STXBP5L: variants seen among roughly 807,000 people sequenced by gnomAD.
STXBP5L encodes the protein syntaxin binding protein 5L.
Under a neutral mutation model 144.5 loss-of-function variants are expected in STXBP5L, and 65 were observed. The ratio of observed to expected loss-of-function variants is 0.45; its 90% CI spans 0.37 to 0.55. The LOEUF (loss-of-function observed/expected upper bound fraction) is 0.55. Among genes scored for constraint, STXBP5L ranks in the 20% least tolerant of loss-of-function variants. The pLI is 0.00. For synonymous variants in STXBP5L, 505 were observed against 469.6 expected, an observed-to-expected ratio of 1.08 and a Z score of -0.97; for missense variants, 1,298 against 1,405.5, an observed-to-expected ratio of 0.92 and a Z score of 1.22.
chr3:121,274,630 C>A (rs1371684687), intron 18 of STXBP5L, among the ~76,000 whole-genome samples: 1 of 152,196 alleles, frequency 6.6e-6, no homozygotes, highest in Non-Finnish European at 1.5e-5. Flanking sequence ...AGCCAGGGCT[C>A]TGTGGTCAGA....
chr3:121,252,988 G>T (rs2050077386), intron 15 of STXBP5L, among the ~76,000 whole-genome samples: 1 of 152,122 alleles, frequency 6.6e-6, no homozygotes, highest in South Asian at 2.1e-4. Context: ...TTCAGGGAGG[G>T]CCTCAGTCCC....
intron 21 of STXBP5L, among the ~76,000 whole-genome samples, chr3:121,380,415 C>T (rs2046296459): frequency 6.6e-6 from 1 of 151,922 alleles, no homozygotes; most frequent in Non-Finnish European, 1.5e-5. Flanking sequence ...ACATGTGTAC[C>T]TATCAAGAGG....
At chr3:121,014,877 G>A (rs944230773) in intron 3 of STXBP5L, among the ~76,000 whole-genome samples, 1 of 151,922 alleles carries the variant, frequency 6.6e-6, no homozygotes, top group Non-Finnish European at 1.5e-5. Flanking sequence ...TATGTGATAT[G>A]AGTAATAAAT....
At chr3:120,920,277 TCTG>T (rs1256160225) in intron 2 of STXBP5L, among the ~76,000 whole-genome samples, 1 of 151,736 alleles carries the variant, frequency 6.6e-6, no homozygotes, top group Non-Finnish European at 1.5e-5. Context: ...TTCTTTGTTC[TCTG>T]CTAACAGACT....
intron 7 of STXBP5L, among the ~76,000 whole-genome samples, chr3:121,131,813 A>G (rs1172398007): frequency 1.3e-5 from 2 of 152,234 alleles, no homozygotes; most frequent in East Asian, 3.8e-4. Flanking sequence ...TTACAAACAC[A>G]CAGATTCAGC....
At chr3:121,276,489 C>G (rs768359942) in intron 18 of STXBP5L, among the ~76,000 whole-genome samples, 9 of 151,864 alleles carry the variant, frequency 5.9e-5, no homozygotes, top group Non-Finnish European at 1.2e-4. Flanking sequence ...CATCTGGAAT[C>G]ATTTTTTTCT....
At position 121,136,942 on chromosome 3, in the gene STXBP5L, C is replaced by A. The variant is rs58688375; in HGVS notation, c.669+15238C>A. ...TGGCCTTTTCAGCACATAGAGGGAG[C>A]TGGAGGCCATTATCCTAACCAAATT... On this transcript the variant is annotated intron_variant, in intron 7 of 26. Transcript: ENST00000471454. Among the ~76,000 whole-genome samples the A allele has an allele frequency of 9.2e-3, 1,404 of 152,026 alleles. 52 individuals are homozygous for A. In the East Asian group the frequency reaches 0.12, roughly 13 times the overall value.
At chr3:121,294,620 A>G (rs941100272) in intron 19 of STXBP5L, among the ~76,000 whole-genome samples, 1 of 152,104 alleles carries the variant, frequency 6.6e-6, no homozygotes, top group Non-Finnish European at 1.5e-5. Context: ...TAGAAGGAAG[A>G]AGACAAGAGA....
intron 3 of STXBP5L, among the ~76,000 whole-genome samples, chr3:120,994,235 A>T (rs1021028894): frequency 3.3e-5 from 5 of 152,078 alleles, no homozygotes; most frequent in Admixed American, 3.3e-4. Flanking sequence ...ATTTCTGCAA[A>T]GGGACAGTTT....
At chr3:121,411,864 T>C (rs1054152962) in intron 23 of STXBP5L, among the ~76,000 whole-genome samples, 5 of 152,062 alleles carry the variant, frequency 3.3e-5, no homozygotes, top group African/African-American at 7.2e-5. Context: ...AGAAAGACAA[T>C]AGACCAAGTA....
At chr3:121,066,361 CGT>C (rs1491419276) in intron 5 of STXBP5L, among the ~76,000 whole-genome samples, 4 of 103,596 alleles carry the variant, frequency 3.9e-5, no homozygotes, top group Admixed American at 1.1e-4. Context: ...TTCCTATAAG[CGT>C]ATATATATAT....
chr3:121,195,977 G>A (rs994331271), intron 9 of STXBP5L, among the ~76,000 whole-genome samples: 2 of 152,150 alleles, frequency 1.3e-5, no homozygotes, highest in African/African-American at 4.8e-5. Flanking sequence ...AAATCAGAAA[G>A]TGGGATGCCT....
At chr3:121,196,517 C>G (rs894126096) in intron 9 of STXBP5L, among the ~76,000 whole-genome samples, 1 of 151,884 alleles carries the variant, frequency 6.6e-6, no homozygotes, top group African/African-American at 2.4e-5. Context: ...AGATTATTTG[C>G]TTTTGTATAT....
intron 10 of STXBP5L, among the ~76,000 whole-genome samples, chr3:121,209,521 G>C (rs1444412695): frequency 6.6e-6 from 1 of 151,996 alleles, no homozygotes; most frequent in Non-Finnish European, 1.5e-5. Flanking sequence ...CCATGTTGGT[G>C]TGCTGCACCC....
chr3:121,329,294 C>A (rs2044249400), intron 20 of STXBP5L, among the ~76,000 whole-genome samples: 1 of 152,144 alleles, frequency 6.6e-6, no homozygotes, highest in Non-Finnish European at 1.5e-5. Flanking sequence ...TGCAATTCTT[C>A]TTAAAATACA....
At chr3:121,246,297 T>C (rs55764552) in intron 14 of STXBP5L, among the ~76,000 whole-genome samples, 21,985 of 152,144 alleles carry the variant, frequency 0.14, 1,766 homozygotes, top group Non-Finnish European at 0.19. Flanking sequence ...TCATCCCGAA[T>C]CCATCTCTCA....
intron 3 of STXBP5L, among the ~76,000 whole-genome samples, chr3:121,025,804 G>GT (rs1945882810): frequency 6.7e-6 from 1 of 149,828 alleles, no homozygotes; most frequent in Non-Finnish European, 1.5e-5. Context: ...TACTGCCTCT[G>GT]TTTTTGAATC....
chr3:121,174,749 C>G (rs2046866232), intron 9 of STXBP5L, among the ~76,000 whole-genome samples: 1 of 152,152 alleles, frequency 6.6e-6, no homozygotes, highest in South Asian at 2.1e-4. Context: ...ACCTTACCAA[C>G]CAACCACAGG....
chr3:121,089,947 C>T (rs2042697294), intron 5 of STXBP5L, among the ~76,000 whole-genome samples: 1 of 151,746 alleles, frequency 6.6e-6, no homozygotes, highest in South Asian at 2.1e-4. Context: ...TTTTTCTTTG[C>T]TTATACTTTA....
Sources: allele counts gnomAD v4.1 joint callset (sites outside exome capture counted in the v4.1 genomes callset), GRCh38; gene constraint gnomAD v4.1.1; transcripts MANE v1.5; gene names NCBI Gene and HGNC (gene_info 2026-07-23, HGNC 2026-07-21).